RPL15: variants seen among roughly 807,000 people sequenced by gnomAD.
The protein encoded by RPL15 is large ribosomal subunit protein eL15.
For missense variants in RPL15, 161 were observed against 271.8 expected, an observed-to-expected ratio of 0.59 and a Z score of 2.87; for synonymous variants, 97 against 95.1, an observed-to-expected ratio of 1.02 and a Z score of -0.12.
intron 2 of RPL15, 71 bp from the exon 3 acceptor site, chr3:23,918,369 T>C: frequency 1.3e-6 from 2 of 1,525,102 alleles, no homozygotes; most frequent in South Asian, 1.2e-5. Flanking sequence ...GGAGTATTAG[T>C]GACAAGCCAT....
chr3:23,919,401 G>A lies in RPL15; in HGVS notation c.515G>A (p.Arg172His), dbSNP rs777381939. The A allele has an allele frequency of 1.9e-6, 3 of 1,603,316 alleles. No homozygotes were observed. Among genetic ancestry groups the A allele is most frequent in the South Asian group, 1.1e-5 (1 of 91,026 alleles). ...CTGACATCTGCAGGCCGAAAGAGCC[G>A]TGGCCTTGGAAAGGGCCACAAGTTC... ...RGLTSAGRKS[R>H]GLGKGHKFHH... Residue 172 changes from arginine (R) to histidine (H), a missense_variant, in exon 4 of 4, where the codon CGT (arginine) becomes CAT (histidine). Arg to His is a conservative substitution (Grantham distance 29, BLOSUM62 0). Transcript: ENST00000307839.
At position 23,918,030 on chromosome 3, in the gene RPL15, A is replaced by C. The variant is rs1388735901; in HGVS notation, c.171A>C (p.Gln57His). The stretch of plus-strand genomic sequence containing the variant: ...GCCGACTGGGCTACAAGGCCAAGCA[A>C]GGTACGTGATCGACTGCGTGGATGC... ...KARRLGYKAK[Q>H]GYVIYRIRVR... is the part of the protein sequence containing the mutation. Residue 57 changes from glutamine to histidine, a missense_variant and splice_region_variant, in exon 2 of 4, where the codon CAA (glutamine) becomes CAC (histidine). Transcript: ENST00000307839. 2.5e-6 allele frequency: 4 copies of C among 1,609,664 alleles called. No homozygotes were observed. Among genetic ancestry groups the C allele is most frequent in the Non-Finnish European group, 3.4e-6 (4 of 1,178,646 alleles).
rs1310690923 is a variant in RPL15 at position 23,919,683 on chromosome 3, T to G, written c.*182T>G. ...AAGTGGTGGTGTATCTTGTTTCTAA[T>G]AAGATAAACTTTTTTGTCTTTGCTT... On this transcript the variant is annotated 3_prime_UTR_variant, in exon 4 of 4. Coordinates refer to ENST00000307839, the MANE Select transcript of RPL15 (RefSeq NM_002948.5). 13 of 1,391,556 alleles carry G rather than the reference T, an allele frequency of 9.3e-6. No individual in the cohort carries two copies. Among genetic ancestry groups the G allele is most frequent in the Non-Finnish European group, 4.6e-6 (5 of 1,078,162 alleles). The allele number at this position is 1,391,556 out of a possible 1,614,324, so 86.2% of individuals were successfully genotyped here.
At chr3:23,916,747 C>T (rs1704557865), upstream of RPL15, 1 of 152,820 alleles carries the variant, frequency 6.5e-6, no homozygotes, top group Non-Finnish European at 1.5e-5. Flanking sequence ...GACGCAGAGA[C>T]TCCGCAGGGG....
At chr3:23,923,967 T>G (rs2125262309), downstream of RPL15, 1 of 152,332 alleles carries the variant, frequency 6.6e-6, no homozygotes, top group East Asian at 1.9e-4. Flanking sequence ...AAAACACAAC[T>G]AAACTACATT....
At chr3:23,922,715 A>T (rs1575125554), downstream of RPL15, 2 of 152,208 alleles carry the variant, frequency 1.3e-5, no homozygotes, top group East Asian at 3.8e-4. The surrounding 1 kb of genome is among the most constrained non-coding windows in gnomAD (Gnocchi z 4.2). Flanking sequence ...ATAATACATT[A>T]ACGTTAAAAA....
rs1705001468 is a variant in RPL15, at chr3:23,920,273, A to G, written c.*772A>G. 1 of 985,782 alleles carries G rather than the reference A, an allele frequency of 1.0e-6. No individual in the cohort carries two copies. Among genetic ancestry groups the G allele is most frequent in the Non-Finnish European group, 1.2e-6 (1 of 829,876 alleles). The allele number at this position is 985,782 out of a possible 1,614,324, so 61.1% of individuals were successfully genotyped here. On this transcript the variant is annotated 3_prime_UTR_variant, in exon 4 of 4. Coordinates refer to ENST00000307839, the MANE Select transcript of RPL15 (RefSeq NM_002948.5). The stretch of plus-strand genomic sequence containing the variant: ...ATCCCTTCAGTCACATTAGGGGGAA[A>G]GTAGTTGGCTATAAGTACGTCATTC...
intron 3 of RPL15, 171 bp downstream of exon 3, chr3:23,918,747 T>A: frequency 2.6e-6 from 2 of 774,808 alleles, no homozygotes; most frequent in South Asian, 1.9e-5. Flanking sequence ...TTGTCTTTGT[T>A]ACAAATGCGT....
At chr3:23,919,033 C>A in intron 3 of RPL15, 163 bp from the exon 4 acceptor site, 1 of 616,240 alleles carries the variant, frequency 1.6e-6, no homozygotes, top group Non-Finnish European at 2.9e-6. Flanking sequence ...TCTACATTAT[C>A]TCATTACACT....
rs569286254 is a variant in RPL15 at position 23,920,177 on chromosome 3, TACCTTTCAAG to T, written c.*677_*686del. The T allele has an allele frequency of 1.5e-4, 148 of 985,808 alleles. 1 individual carries two copies. In the East Asian group the frequency reaches 0.014, roughly 93 times the overall value. 61.1% of individuals were successfully genotyped at this position (985,808 alleles called of 1,614,324 possible). A position where few individuals can be genotyped will look rare whatever the true frequency, so the allele number is the denominator to read the frequency against. On this transcript the variant is annotated 3_prime_UTR_variant, in exon 4 of 4. Transcript: ENST00000307839. ...GGTGAGCCAGTGGCCATTAGATAAA[TACCTTTCAAG>T]TGTGAGCTTAGACGTCAACCCTAAA...
chr3:23,921,934 A>C, downstream of RPL15: 1 of 285,076 alleles, frequency 3.5e-6, no homozygotes, highest in Non-Finnish European at 6.5e-6. Flanking sequence ...GTCTCAAACT[A>C]CTGGCCTCAA....
In RPL15 at chr3:23,920,623, T is replaced by C; in HGVS notation, c.*1122T>C. On this transcript the variant is annotated 3_prime_UTR_variant, in exon 4 of 4. Coordinates refer to ENST00000307839, the MANE Select transcript of RPL15 (RefSeq NM_002948.5). ...ATTGCCCAATTTTAAATTCTGACTT[T>C]GCTGACTTAATTTAAATGCTCGTTC... The C allele has an allele frequency of 7.1e-6, 7 of 984,928 alleles. No homozygotes were observed. Among genetic ancestry groups the C allele is most frequent in the Non-Finnish European group, 8.4e-6 (7 of 829,442 alleles). 61.0% of individuals were successfully genotyped at this position (984,928 alleles called of 1,614,324 possible).
chr3:23,917,904 G>A lies in RPL15; in HGVS notation c.45G>A (p.Gln15=), dbSNP rs935839158. Residue 15 remains glutamine (Q), a synonymous_variant, in exon 2 of 4, where the codon CAG becomes CAA. Coordinates refer to ENST00000307839, the MANE Select transcript of RPL15 (RefSeq NM_002948.5). ...KYIQELWRKK[Q]SDVMRFLLRV... Reference sequence around the variant, plus strand: ...TCCAGGAGCTATGGAGAAAGAAGCAGTCTGATGTCATGCGCTTTCTTCTGA... The same window carrying A: ...TCCAGGAGCTATGGAGAAAGAAGCAATCTGATGTCATGCGCTTTCTTCTGA... The A allele has an allele frequency of 4.3e-6, 7 of 1,613,366 alleles. No individual in the cohort carries two copies. In the Admixed American group the frequency reaches 5.0e-5, roughly 12 times the overall value.
chr3:23,921,491 G>C, downstream of RPL15: 3 of 658,276 alleles, frequency 4.6e-6, no homozygotes, highest in South Asian at 5.2e-5. Flanking sequence ...GCTATACCCT[G>C]ACCGCCCCAC....
chr3:23,918,931 T>TTG, intron 3 of RPL15: 1 of 532,144 alleles, frequency 1.9e-6, no homozygotes, highest in Non-Finnish European at 3.3e-6. Context: ...CTAAATTTTG[T>TTG]TACCCAGATA....
intron 3 of RPL15, chr3:23,918,973 G>A (rs111878423): frequency 5.1e-5 from 30 of 586,800 alleles, no homozygotes; most frequent in African/African-American, 5.0e-4. Context: ...CAGGAATGGA[G>A]TATTAAGAGG....
In RPL15 at chr3:23,920,109, C is replaced by G. The variant is rs142246641; in HGVS notation, c.*608C>G. On this transcript the variant is annotated 3_prime_UTR_variant, in exon 4 of 4. Coordinates refer to ENST00000307839, the MANE Select transcript of RPL15 (RefSeq NM_002948.5). ...TTGAATGTGCGATAAAATTATTAGC[C>G]TTAAGATTGGTAAGCTAGCAATGAA... 8.1e-6 allele frequency: 8 copies of G among 985,826 alleles called. No individual in the cohort carries two copies. In the East Asian group the frequency reaches 3.4e-4, roughly 42 times the overall value. The allele number at this position is 985,826 out of a possible 1,614,324, so 61.1% of individuals were successfully genotyped here. A position where few individuals can be genotyped will look rare whatever the true frequency, so the allele number is the denominator to read the frequency against.
chr3:23,920,015 T>C lies in RPL15; in HGVS notation c.*514T>C. 1 of 986,744 alleles carries C rather than the reference T, an allele frequency of 1.0e-6. No homozygotes were observed. The highest frequency in any genetic ancestry group is 1.2e-6 in the Non-Finnish European group (1 of 830,592). 61.1% of individuals were successfully genotyped at this position (986,744 alleles called of 1,614,324 possible). A position where few individuals can be genotyped will look rare whatever the true frequency, so the allele number is the denominator to read the frequency against. On this transcript the variant is annotated 3_prime_UTR_variant, in exon 4 of 4. Transcript: ENST00000307839. ...AATTCACATAAAAGGTGAAAGCTCC[T>C]GGTTCAGTGCCATGGCTTCATGGCA...
Position 23,919,871 on chromosome 3 carries a change from G to C in RPL15, c.*370G>C, listed in dbSNP as rs535888300. 3 of 1,001,450 alleles carry C rather than the reference G, an allele frequency of 3.0e-6. No individual in the cohort carries two copies. Among genetic ancestry groups the C allele is most frequent in the Non-Finnish European group, 3.6e-6 (3 of 840,754 alleles). 62.0% of individuals were successfully genotyped at this position (1,001,450 alleles called of 1,614,324 possible). A position where few individuals can be genotyped will look rare whatever the true frequency, so the allele number is the denominator to read the frequency against. ...TCGGAGTGATGGCAATGCTCTGCTGGTTTATTTTCAAGTGGCTGCGTTTTT... is the reference window on the plus strand; with the variant it reads ...TCGGAGTGATGGCAATGCTCTGCTGCTTTATTTTCAAGTGGCTGCGTTTTT... On this transcript the variant is annotated 3_prime_UTR_variant, in exon 4 of 4. Coordinates refer to ENST00000307839, the MANE Select transcript of RPL15 (RefSeq NM_002948.5).
Sources: gnomAD v4.1 joint callset for allele counts on GRCh38, gnomAD v4.1.1 for gene constraint, Gnocchi (gnomAD v3.1) non-coding constraint, MANE v1.5 for transcripts, NCBI Gene and HGNC (gene_info 2026-07-23, HGNC 2026-07-21) for gene names.